EFR3A: variants seen among roughly 807,000 people sequenced by gnomAD.
The protein encoded by EFR3A is protein EFR3 homolog A.
EFR3A carries 76 observed loss-of-function variants against 104.4 expected under a neutral mutation model. The ratio of observed to expected loss-of-function variants is 0.73; its 90% CI spans 0.60 to 0.88. EFR3A has a LOEUF of 0.88. Among genes scored for constraint, EFR3A ranks in the 40% least tolerant of loss-of-function variants. EFR3A has a pLI of 0.00. For synonymous variants in EFR3A, 330 were observed against 330.0 expected (o/e 1.00, Z 0.00); for missense variants, 985 against 1,012.5 (o/e 0.97, Z 0.37).
Position 131,904,201 on chromosome 8 carries a change from CTTCGCCT to C in EFR3A, c.-111_-105del. On this transcript the variant is annotated 5_prime_UTR_variant, in exon 1 of 23. Transcript: ENST00000254624. ...CTCCCTCCACCCTTCGCCCTTCGCC[CTTCGCCT>C]CGTTCCGGCCTCCGCGGCCCAGCAA... 4.2e-6 allele frequency: 5 copies of C among 1,197,816 alleles called. No individual in the cohort carries two copies. Among genetic ancestry groups the C allele is most frequent in the Non-Finnish European group, 4.2e-6 (4 of 949,990 alleles). The allele number at this position is 1,197,816 out of a possible 1,614,324, so 74.2% of individuals were successfully genotyped here.
chr8:131,946,219 A>G (rs958472318), intron 3 of EFR3A, among the ~76,000 whole-genome samples: 1 of 152,092 alleles, frequency 6.6e-6, no homozygotes, highest in African/African-American at 2.4e-5. Flanking sequence ...AAATATACAC[A>G]AAGTTAATGT....
chr8:131,930,898 G>A (rs530490532), intron 1 of EFR3A, among the ~76,000 whole-genome samples: 273 of 152,238 alleles, frequency 1.8e-3, no homozygotes, highest in Non-Finnish European at 2.9e-3. Flanking sequence ...CTTACGAGGT[G>A]CAGCCTATAT....
intron 8 of EFR3A, among the ~76,000 whole-genome samples, chr8:131,963,625 C>T (rs1406626780): frequency 2.6e-5 from 4 of 152,110 alleles, no homozygotes; most frequent in East Asian, 1.9e-4. Flanking sequence ...GATTCACAGC[C>T]GATTTCTACC....
At chr8:131,922,674 G>T (rs1244527908) in intron 1 of EFR3A, among the ~76,000 whole-genome samples, 2 of 152,088 alleles carry the variant, frequency 1.3e-5, no homozygotes, top group Non-Finnish European at 2.9e-5. Flanking sequence ...GGACAGCCTT[G>T]TTTCCACACA....
chr8:131,989,726 A>G (rs1054149775), intron 18 of EFR3A, among the ~76,000 whole-genome samples: 2 of 152,308 alleles, frequency 1.3e-5, no homozygotes, highest in African/African-American at 4.8e-5. Context: ...CAAAGGGTAG[A>G]AAGGTGTTAA....
At chr8:131,968,131 A>G (rs1299252313) in intron 8 of EFR3A, among the ~76,000 whole-genome samples, 164 bp from the exon 9 acceptor site, 1 of 152,062 alleles carries the variant, frequency 6.6e-6, no homozygotes, top group Non-Finnish European at 1.5e-5. Context: ...ATCTCTGTTT[A>G]TTCTTTAAAA....
At chr8:131,914,213 C>G (rs1216869503) in intron 1 of EFR3A, among the ~76,000 whole-genome samples, 1 of 152,146 alleles carries the variant, frequency 6.6e-6, no homozygotes, top group African/African-American at 2.4e-5. Flanking sequence ...CTCCTGTTTT[C>G]TTAGCTGGGC....
chr8:131,978,890 C>T lies in EFR3A; in HGVS notation c.1370C>T (p.Pro457Leu), dbSNP rs1820455704. The change falls in exon 13 of 23, where the codon CCA becomes CTA. Residue 457 changes from proline to leucine, a missense_variant. Pro to Leu is a moderately conservative substitution (Grantham distance 98). Coordinates refer to ENST00000254624, the MANE Select transcript of EFR3A (RefSeq NM_015137.6). ...GCGAAGACGATTGTTACTGCACTGC[C>T]AGGGTCTTTCCTGGATCCTTTGTTA... ...YKAKTIVTAL[P>L]GSFLDPLLSP... is the part of the protein sequence containing the mutation. 6.2e-7 allele frequency: 1 copy of T among 1,611,458 alleles called. No individual in the cohort carries two copies. Among genetic ancestry groups the T allele is most frequent in the African/African-American group, 1.3e-5 (1 of 74,816 alleles).
chr8:131,923,466 C>G (rs373371380), intron 1 of EFR3A, among the ~76,000 whole-genome samples: 61 of 148,474 alleles, frequency 4.1e-4, no homozygotes, highest in African/African-American at 1.5e-3. Flanking sequence ...ATAAACTTCA[C>G]GGCCTTTAAA....
intron 2 of EFR3A, among the ~76,000 whole-genome samples, chr8:131,941,511 T>G (rs1195265564): frequency 6.6e-6 from 1 of 152,146 alleles, no homozygotes; most frequent in African/African-American, 2.4e-5. Flanking sequence ...AATTAAATAT[T>G]ATTGGCTGCC....
At chr8:132,010,637 A>G (rs1013432374) in intron 22 of EFR3A, among the ~76,000 whole-genome samples, 153 bp from the exon 23 acceptor site, 3 of 151,940 alleles carry the variant, frequency 2.0e-5, no homozygotes, top group African/African-American at 7.3e-5. Context: ...TCTGTTTCCC[A>G]TGCAGCCTTG....
At position 131,977,090 on chromosome 8, in the gene EFR3A, A is replaced by G; in HGVS notation, c.1324A>G (p.Met442Val). ...GATAATGTTGCTGAGATCTTTGCTTATGGTAAGGCATTTAAGACAAATAAA... is the reference window on the plus strand; with the variant it reads ...GATAATGTTGCTGAGATCTTTGCTTGTGGTAAGGCATTTAAGACAAATAAA... ...IQIMLLRSLL[M>V]VTSGYKAKTI... is the part of the protein sequence containing the mutation. Residue 442 changes from methionine (M) to valine (V), a missense_variant and splice_region_variant, in exon 12 of 23, where the codon ATG becomes GTG. Transcript: ENST00000254624. 6.3e-7 allele frequency: 1 copy of G among 1,599,248 alleles called. No homozygotes were observed. The highest frequency in any genetic ancestry group is 8.5e-7 in the Non-Finnish European group (1 of 1,171,820).
intron 8 of EFR3A, among the ~76,000 whole-genome samples, chr8:131,963,751 T>G (rs1819536284): frequency 6.6e-6 from 1 of 152,148 alleles, no homozygotes; most frequent in African/African-American, 2.4e-5. Flanking sequence ...TACCAAAGCC[T>G]GGCAGAGACA....
intron 1 of EFR3A, among the ~76,000 whole-genome samples, chr8:131,930,771 C>G (rs546976303): frequency 6.6e-6 from 1 of 152,072 alleles, no homozygotes; most frequent in Non-Finnish European, 1.5e-5. Flanking sequence ...ATCACATCAG[C>G]ATCTCCTGTG....
intron 18 of EFR3A, 90 bp downstream of exon 18, chr8:131,987,792 C>G: frequency 7.3e-7 from 1 of 1,374,578 alleles, no homozygotes; most frequent in South Asian, 1.4e-5. Flanking sequence ...AAAATTAATT[C>G]TGGTGTGTGT....
intron 1 of EFR3A, among the ~76,000 whole-genome samples, chr8:131,921,417 C>T (rs1315160849): frequency 1.3e-5 from 2 of 152,104 alleles, no homozygotes; most frequent in Non-Finnish European, 2.9e-5. Context: ...TGCAAAGACC[C>T]CCCTCTCTCT....
At chr8:131,991,802 T>C (rs1378766701) in intron 18 of EFR3A, among the ~76,000 whole-genome samples, 1 of 152,078 alleles carries the variant, frequency 6.6e-6, no homozygotes, top group Non-Finnish European at 1.5e-5. Context: ...TGTTGGAATG[T>C]GGGTGCTAGG....
chr8:132,013,127 TTGG>T lies in EFR3A; in HGVS notation c.*2235_*2237del, dbSNP rs1822433768. 1 of 152,176 alleles carries T rather than the reference TTGG, an allele frequency of 6.6e-6. No homozygotes were observed. The highest frequency in any genetic ancestry group is 1.5e-5 in the Non-Finnish European group (1 of 68,026). 9.4% of individuals were successfully genotyped at this position (152,176 alleles called of 1,614,324 possible). A position where few individuals can be genotyped will look rare whatever the true frequency, so the allele number is the denominator to read the frequency against. ...AGTTCAGGTACTGAATATTTAGGAT[TTGG>T]TGAAGTTCACTGTATTGCTATATTT... On this transcript the variant is annotated 3_prime_UTR_variant, in exon 23 of 23. Coordinates refer to ENST00000254624, the MANE Select transcript of EFR3A (RefSeq NM_015137.6).
chr8:131,905,267 C>T (rs1345396847), intron 1 of EFR3A, among the ~76,000 whole-genome samples: 2 of 152,130 alleles, frequency 1.3e-5, no homozygotes, highest in Non-Finnish European at 2.9e-5. Flanking sequence ...AATATATTTC[C>T]TAGAATTCAT....
Sources: allele counts gnomAD v4.1 joint callset (sites outside exome capture counted in the v4.1 genomes callset), GRCh38; gene constraint gnomAD v4.1.1; transcripts MANE v1.5; gene names NCBI Gene and HGNC (gene_info 2026-07-23, HGNC 2026-07-21).